The following STT3B variants were observed in gnomAD, a reference collection of about 807,000 sequenced individuals.
STT3B encodes the protein STT3 oligosaccharyltransferase complex catalytic subunit B, also known as dolichyl-diphosphooligosaccharide--protein glycosyltransferase subunit STT3B.
Under a neutral mutation model 96.8 loss-of-function variants are expected in STT3B, and 29 were observed. The ratio of observed to expected loss-of-function variants is 0.30; its 90% CI spans 0.22 to 0.41. The LOEUF is 0.41. Ranked by LOEUF, STT3B falls within the 10% of genes least tolerant of loss-of-function variation. The probability of loss-of-function intolerance (pLI) is 1.00; values close to 1 mark genes in which losing one functional copy is unlikely to be tolerated. For missense variants in STT3B, 640 were observed against 1,022.3 expected (o/e 0.63, Z 5.10); for synonymous variants, 367 against 360.0 (o/e 1.02, Z -0.22).
At chr3:31,634,750 C>G (rs1699726846) in intron 15 of STT3B, among the ~76,000 whole-genome samples, 1 of 152,094 alleles carries the variant, frequency 6.6e-6, no homozygotes, top group South Asian at 2.1e-4. Context: ...ACCCTGAGGG[C>G]TATTACACAC....
intron 1 of STT3B, among the ~76,000 whole-genome samples, chr3:31,534,914 C>G (rs954289832): frequency 6.6e-6 from 1 of 152,092 alleles, no homozygotes; most frequent in African/African-American, 2.4e-5. Context: ...CTTATTGACA[C>G]AATATTATTA....
At chr3:31,571,194 T>C (rs185339409) in intron 1 of STT3B, among the ~76,000 whole-genome samples, 106 of 151,850 alleles carry the variant, frequency 7.0e-4, no homozygotes, top group Middle Eastern at 3.4e-3. Flanking sequence ...TGTCCAGAGA[T>C]AATCACACTA....
chr3:31,577,700 A>C (rs1324548557), intron 2 of STT3B, among the ~76,000 whole-genome samples: 1 of 152,108 alleles, frequency 6.6e-6, no homozygotes, highest in African/African-American at 2.4e-5. Context: ...TCCTTGATGT[A>C]AATAGAGAGA....
intron 1 of STT3B, among the ~76,000 whole-genome samples, chr3:31,555,233 A>G (rs1183541622): frequency 2.0e-5 from 3 of 152,160 alleles, no homozygotes; most frequent in African/African-American, 2.4e-5. Flanking sequence ...GGCTGCATGC[A>G]TATCCTGTCA....
intron 10 of STT3B, among the ~76,000 whole-genome samples, chr3:31,622,637 C>CT (rs1699453399): frequency 6.6e-6 from 1 of 152,202 alleles, no homozygotes; most frequent in Non-Finnish European, 1.5e-5. Context: ...ACATTTGGCA[C>CT]TGTAAACCCC....
intron 7 of STT3B, 35 bp from the exon 8 acceptor site, chr3:31,617,905 G>A (rs778421050): frequency 2.1e-6 from 3 of 1,459,138 alleles, no homozygotes; most frequent in Non-Finnish European, 1.9e-6. Context: ...ATAATAAAAA[G>A]GCAGATTAAT....
chr3:31,619,617 T>G, intron 8 of STT3B, 59 bp from the exon 9 acceptor site: 1 of 1,435,048 alleles, frequency 7.0e-7, no homozygotes, highest in East Asian at 2.3e-5. Flanking sequence ...TTTCTTCATC[T>G]AAAAGGAACT....
At chr3:31,575,358 C>T (rs1301038502) in intron 1 of STT3B, among the ~76,000 whole-genome samples, 1 of 151,784 alleles carries the variant, frequency 6.6e-6, no homozygotes, top group African/African-American at 2.4e-5. Context: ...GTTATATTAA[C>T]CATCTGAATA....
intron 1 of STT3B, among the ~76,000 whole-genome samples, chr3:31,569,423 C>T (rs991131763): frequency 6.6e-6 from 1 of 152,084 alleles, no homozygotes; most frequent in Non-Finnish European, 1.5e-5. Context: ...GTCTCTTTTT[C>T]CCTAAATGCC....
At chr3:31,594,027 C>T (rs991072617) in intron 3 of STT3B, among the ~76,000 whole-genome samples, 1 of 152,046 alleles carries the variant, frequency 6.6e-6, no homozygotes, top group African/African-American at 2.4e-5. Context: ...ATAGCTTATC[C>T]GAACATGCAA....
intron 1 of STT3B, among the ~76,000 whole-genome samples, chr3:31,539,811 A>G (rs912772610): frequency 6.6e-6 from 1 of 152,074 alleles, no homozygotes; most frequent in Non-Finnish European, 1.5e-5. Flanking sequence ...TATTGTTCTT[A>G]TTTAGATTTA....
At chr3:31,600,911 T>G (rs1279399656) in intron 5 of STT3B, among the ~76,000 whole-genome samples, 1 of 152,156 alleles carries the variant, frequency 6.6e-6, no homozygotes, top group African/African-American at 2.4e-5. Flanking sequence ...CTACAGGTTT[T>G]AAAACAATAT....
At chr3:31,596,454 A>G (rs938764451) in intron 3 of STT3B, among the ~76,000 whole-genome samples, 3 of 152,050 alleles carry the variant, frequency 2.0e-5, no homozygotes, top group African/African-American at 7.2e-5. Context: ...CCTAAGGAGA[A>G]GGGGTAGGAG....
At chr3:31,582,585 G>T (rs1453613520) in intron 3 of STT3B, among the ~76,000 whole-genome samples, 1 of 151,858 alleles carries the variant, frequency 6.6e-6, no homozygotes, top group Non-Finnish European at 1.5e-5. Context: ...GAGCCACCGC[G>T]CCCAGCCCTA....
intron 1 of STT3B, among the ~76,000 whole-genome samples, chr3:31,549,926 C>T (rs575842896): frequency 1.8e-4 from 28 of 151,974 alleles, no homozygotes; most frequent in Non-Finnish European, 4.0e-4. Flanking sequence ...AAAGTGTCAC[C>T]GGATAGTTTT....
chr3:31,624,687 T>A lies in STT3B; in HGVS notation c.1728-227T>A, dbSNP rs200847764. On this transcript the variant is annotated intron_variant, in intron 11 of 15. Coordinates refer to ENST00000295770, the MANE Select transcript of STT3B (RefSeq NM_178862.3). ...AGAATCGGCTTTTTTTTTTTTTTTTTAAATACAAGATATGCAGGTGGTTTG... is the reference window on the plus strand; with the variant it reads ...AGAATCGGCTTTTTTTTTTTTTTTTAAAATACAAGATATGCAGGTGGTTTG... 1.2e-3 allele frequency among the ~76,000 whole-genome samples: 178 copies of A among 146,570 alleles called. No homozygotes were observed. Among genetic ancestry groups the A allele is most frequent in the African/African-American group, 3.9e-3 (160 of 40,904 alleles).
chr3:31,607,189 G>A (rs986572968), intron 5 of STT3B, among the ~76,000 whole-genome samples: 2 of 152,118 alleles, frequency 1.3e-5, no homozygotes, highest in Non-Finnish European at 1.5e-5. Flanking sequence ...TCTTGGATGA[G>A]ACTTTGGACT....
chr3:31,624,106 T>C (rs1459433146), intron 11 of STT3B, among the ~76,000 whole-genome samples: 2 of 152,186 alleles, frequency 1.3e-5, no homozygotes, highest in Non-Finnish European at 2.9e-5. Flanking sequence ...TCCCCTCAAC[T>C]ATTTATCCTT....
chr3:31,563,086 C>T (rs1286038082), intron 1 of STT3B, among the ~76,000 whole-genome samples: 2 of 152,140 alleles, frequency 1.3e-5, no homozygotes, highest in Non-Finnish European at 1.5e-5. Flanking sequence ...TGATCCCAGC[C>T]GAACAGGCTT....
Sources: gnomAD v4.1 joint callset for allele counts (sites outside exome capture counted in the v4.1 genomes callset) on GRCh38, gnomAD v4.1.1 for gene constraint, MANE v1.5 for transcripts, NCBI Gene and HGNC (gene_info 2026-07-23, HGNC 2026-07-21) for gene names.